The following GRM1 variants were observed in gnomAD, a reference collection of about 807,000 sequenced individuals.
GRM1 encodes glutamate metabotropic receptor 1.
GRM1 carries 33 observed loss-of-function variants against 90.9 expected under a neutral mutation model. The observed-to-expected ratio is 0.36, with a 90% CI of 0.28 to 0.49. The LOEUF (loss-of-function observed/expected upper bound fraction) is 0.49. Ranked by LOEUF, GRM1 falls within the 20% of genes least tolerant of loss-of-function variation. The probability of loss-of-function intolerance (pLI) is 0.99; values close to 1 mark genes in which losing one functional copy is unlikely to be tolerated. For missense variants in GRM1, 1,190 were observed against 1,534.3 expected (o/e 0.78, Z 3.75); for synonymous variants, 700 against 613.2 (o/e 1.14, Z -2.09).
At chr6:146,238,110 C>A (rs1780716990) in intron 2 of GRM1, among the ~76,000 whole-genome samples, 1 of 152,038 alleles carries the variant, frequency 6.6e-6, no homozygotes, top group Non-Finnish European at 1.5e-5. Context: ...CAAGTTAGAT[C>A]CAATCTGTCT....
chr6:146,065,389 A>C (rs1173775959), intron 1 of GRM1, among the ~76,000 whole-genome samples: 3 of 152,162 alleles, frequency 2.0e-5, no homozygotes, highest in African/African-American at 7.2e-5. Context: ...CTTTGGTCCA[A>C]ATCCTGACCC....
chr6:146,049,697 AT>A (rs2128847310), intron 1 of GRM1, among the ~76,000 whole-genome samples: 1 of 148,134 alleles, frequency 6.8e-6, no homozygotes, highest in South Asian at 2.1e-4. Flanking sequence ...CTATCTATCT[AT>A]CTATCATCTC....
At chr6:146,366,909 A>T (rs114467774) in intron 5 of GRM1, among the ~76,000 whole-genome samples, 1 of 151,990 alleles carries the variant, frequency 6.6e-6, no homozygotes, top group South Asian at 2.1e-4. Flanking sequence ...GCTTGATATA[A>T]TCTCATTTGT....
intron 1 of GRM1, among the ~76,000 whole-genome samples, chr6:146,087,434 G>A (rs1052321778): frequency 2.6e-5 from 4 of 152,014 alleles, no homozygotes; most frequent in Non-Finnish European, 5.9e-5. Flanking sequence ...CTAGCTTTAC[G>A]TGCACTTGTG....
At chr6:146,241,436 G>T (rs573117549) in intron 2 of GRM1, among the ~76,000 whole-genome samples, 1 of 151,998 alleles carries the variant, frequency 6.6e-6, no homozygotes, top group Non-Finnish European at 1.5e-5. Flanking sequence ...TTGAATTGAA[G>T]ATCTTGGTAT....
intron 1 of GRM1, among the ~76,000 whole-genome samples, chr6:146,119,970 C>T (rs1054151897): frequency 6.6e-6 from 1 of 152,164 alleles, no homozygotes; most frequent in Non-Finnish European, 1.5e-5. Context: ...TTTTCCAAAT[C>T]TGTGAAGAAA....
In GRM1 at chr6:146,270,940, CCTTCCTTCCTTCCTTT is replaced by C. The variant is rs1331391952; in HGVS notation, c.951-33667_951-33652del. Among the ~76,000 whole-genome samples, 49 of 126,508 alleles carry C rather than the reference CCTTCCTTCCTTCCTTT, an allele frequency of 3.9e-4. 1 individual carries two copies. The highest frequency in any genetic ancestry group is 1.4e-3 in the African/African-American group (39 of 27,276). 83.0% of individuals were successfully genotyped at this position (126,508 alleles called of 152,430 possible). ...TCCTTCCTTCCTTCCTTCCTTCCTT[CCTTCCTTCCTTCCTTT>C]CTTTCTTTCTTTTTTTTTTCTCTCT... On this transcript the variant is annotated intron_variant, in intron 2 of 7. Transcript: ENST00000282753.
At chr6:146,287,192 G>A (rs989299604) in intron 2 of GRM1, among the ~76,000 whole-genome samples, 1 of 152,156 alleles carries the variant, frequency 6.6e-6, no homozygotes, top group African/African-American at 2.4e-5. Flanking sequence ...TCTGTAATAA[G>A]TAGGGTTTAG....
chr6:146,422,015 A>G (rs934829119), intron 7 of GRM1, among the ~76,000 whole-genome samples: 1 of 152,168 alleles, frequency 6.6e-6, no homozygotes, highest in Admixed American at 6.5e-5. Context: ...CCCTGCTAAA[A>G]TGGTCTTGAG....
At chr6:146,361,916 T>C (rs574853373) in intron 5 of GRM1, among the ~76,000 whole-genome samples, 1 of 152,354 alleles carries the variant, frequency 6.6e-6, no homozygotes, top group South Asian at 2.1e-4. Flanking sequence ...TAATCCACTT[T>C]TAAAATGCCG....
chr6:146,421,043 G>A (rs1177437448), intron 7 of GRM1, among the ~76,000 whole-genome samples: 1 of 152,042 alleles, frequency 6.6e-6, no homozygotes, highest in Non-Finnish European at 1.5e-5. Flanking sequence ...TTTTAAAAAT[G>A]TCTAAAAACC....
chr6:146,401,290 G>A (rs745963099), intron 7 of GRM1, among the ~76,000 whole-genome samples: 29 of 152,080 alleles, frequency 1.9e-4, no homozygotes, highest in Non-Finnish European at 3.8e-4. Flanking sequence ...GTTATAGGAT[G>A]TTGATCATAA....
chr6:146,122,394 C>T (rs1299628583), intron 1 of GRM1, among the ~76,000 whole-genome samples: 2 of 152,082 alleles, frequency 1.3e-5, no homozygotes, highest in African/African-American at 2.4e-5. Context: ...GCCCCACCCC[C>T]ACTGCAACAT....
chr6:146,049,657 A>G (rs1466077453), intron 1 of GRM1, among the ~76,000 whole-genome samples: 1 of 118,380 alleles, frequency 8.4e-6, no homozygotes, highest in African/African-American at 3.2e-5. Flanking sequence ...TTTCATATCT[A>G]TCTATCTATC....
chr6:146,156,481 T>C (rs1777533031), intron 1 of GRM1, among the ~76,000 whole-genome samples: 4 of 152,184 alleles, frequency 2.6e-5, no homozygotes, highest in Admixed American at 2.6e-4. Context: ...TGGTCTTCCT[T>C]CTTGTGGACC....
At chr6:146,339,829 A>T (rs559900876) in intron 3 of GRM1, among the ~76,000 whole-genome samples, 1 of 152,210 alleles carries the variant, frequency 6.6e-6, no homozygotes, top group African/African-American at 2.4e-5. Context: ...CCTTTCCCTT[A>T]ACATCATAAG....
intron 5 of GRM1, chr6:146,364,991 A>T (rs1035752948): frequency 2.6e-5 from 4 of 152,164 alleles, no homozygotes; most frequent in Non-Finnish European, 5.9e-5. Context: ...TAAATCATAT[A>T]GTTAATGTAA....
At chr6:146,362,510 T>G (rs1775520912) in intron 5 of GRM1, among the ~76,000 whole-genome samples, 1 of 151,764 alleles carries the variant, frequency 6.6e-6, no homozygotes, top group Non-Finnish European at 1.5e-5. Context: ...AAACCCCATC[T>G]CTACTAAAAA....
At chr6:146,042,837 A>C (rs942468113) in intron 1 of GRM1, among the ~76,000 whole-genome samples, 4 of 152,008 alleles carry the variant, frequency 2.6e-5, no homozygotes, top group Non-Finnish European at 4.4e-5. Flanking sequence ...CCCAATGTCC[A>C]AAAACACCAA....
Sources: allele counts gnomAD v4.1 joint callset (sites outside exome capture counted in the v4.1 genomes callset), GRCh38; gene constraint gnomAD v4.1.1; transcripts MANE v1.5; gene names NCBI Gene and HGNC (gene_info 2026-07-23, HGNC 2026-07-21).